LPA: variants seen among roughly 807,000 people sequenced by gnomAD.
LPA encodes the protein lipoprotein(a).
A neutral mutation model predicts 197.9 loss-of-function variants in LPA; 199 were observed. That is an observed-to-expected ratio of 1.01 (90% CI 0.90 to 1.13). The LOEUF (loss-of-function observed/expected upper bound fraction) is 1.13. Ranked by LOEUF, LPA falls within the 50% of genes most tolerant of loss-of-function variation. The probability of loss-of-function intolerance (pLI) is 0.00; values close to 1 mark genes in which losing one functional copy is unlikely to be tolerated. For missense variants in LPA, 1,853 were observed against 1,785.8 expected (o/e 1.04, Z -0.68); for synonymous variants, 715 against 639.5 (o/e 1.12, Z -1.78).
intron 16 of LPA, among the ~76,000 whole-genome samples, chr6:160,610,899 T>C (rs1562344620): frequency 1.3e-5 from 2 of 152,122 alleles, no homozygotes; most frequent in African/African-American, 4.8e-5. Flanking sequence ...TTTTTCCATG[T>C]CTTTGGTTGT....
At chr6:160,582,572 T>G (rs1452890957) in intron 26 of LPA, among the ~76,000 whole-genome samples, 1 of 152,146 alleles carries the variant, frequency 6.6e-6, no homozygotes, top group Non-Finnish European at 1.5e-5. Context: ...TGTTACTCTA[T>G]GTAAAGGTAT....
intron 30 of LPA, among the ~76,000 whole-genome samples, chr6:160,549,349 T>G (rs1009937747): frequency 6.6e-6 from 1 of 152,188 alleles, no homozygotes; most frequent in Admixed American, 6.5e-5. Flanking sequence ...TCCTTCTACC[T>G]TCTGCCAAGC....
intron 30 of LPA, among the ~76,000 whole-genome samples, chr6:160,549,809 C>A (rs1336116670): frequency 6.6e-6 from 1 of 152,172 alleles, no homozygotes; most frequent in African/African-American, 2.4e-5. Flanking sequence ...GCGGGACTGA[C>A]AGAAGGGGGA....
At chr6:160,538,936 T>A (rs1363007891) in intron 36 of LPA, among the ~76,000 whole-genome samples, 1 of 152,200 alleles carries the variant, frequency 6.6e-6, no homozygotes, top group Non-Finnish European at 1.5e-5. Flanking sequence ...AGAGATCTTG[T>A]ATTTGCACAT....
intron 29 of LPA, among the ~76,000 whole-genome samples, chr6:160,556,435 C>T (rs1778264774): frequency 1.3e-5 from 2 of 152,096 alleles, no homozygotes; most frequent in Admixed American, 6.6e-5. Context: ...GGAACAAAGA[C>T]TCATGTGCAA....
intron 1 of LPA, among the ~76,000 whole-genome samples, chr6:160,659,088 C>T (rs780289667): frequency 2.6e-5 from 4 of 152,144 alleles, no homozygotes; most frequent in Non-Finnish European, 5.9e-5. Flanking sequence ...AGCTGAAGAA[C>T]TTGGAGTCCG....
At chr6:160,579,965 C>A (rs1778759257) in intron 26 of LPA, among the ~76,000 whole-genome samples, 1 of 152,126 alleles carries the variant, frequency 6.6e-6, no homozygotes, top group Non-Finnish European at 1.5e-5. Flanking sequence ...ACTTGTGTAG[C>A]CCACACTGCC....
chr6:160,601,003 A>T lies in LPA; in HGVS notation c.3041T>A (p.Leu1014Gln). The stretch of plus-strand genomic sequence containing the variant: ...CCATTCTGCATCTGAGCATCGTGTC[A>T]GGTTGCAGTACTCCCACCTGACACT... Reference protein sequence around the residue: ...DPSVRWEYCNLTRCSDAEWTA... With the variant: ...DPSVRWEYCNQTRCSDAEWTA... Residue 1014 changes from leucine to glutamine, a missense_variant, in exon 19 of 39, where the codon CTG becomes CAG. Physicochemically the swap from Leu to Gln is moderately radical, Grantham distance 113. Coordinates refer to ENST00000316300, the MANE Select transcript of LPA (RefSeq NM_005577.4). The T allele has an allele frequency of 1.2e-6, 2 of 1,614,062 alleles. No homozygotes were observed. Among genetic ancestry groups the T allele is most frequent in the Non-Finnish European group, 1.7e-6 (2 of 1,179,924 alleles).
intron 19 of LPA, among the ~76,000 whole-genome samples, chr6:160,600,065 G>A (rs1303114628): frequency 1.3e-5 from 2 of 152,076 alleles, no homozygotes; most frequent in African/African-American, 4.8e-5. Flanking sequence ...TGGGGAGGAG[G>A]CAAGGACATA....
chr6:160,592,737 C>T (rs1475415777), intron 22 of LPA, among the ~76,000 whole-genome samples: 2 of 152,154 alleles, frequency 1.3e-5, no homozygotes, highest in Non-Finnish European at 2.9e-5. Flanking sequence ...TCCTTTTAGA[C>T]TGGCTTGGAA....
Position 160,664,147 on chromosome 6 carries a change from T to G in LPA, c.49+19A>C. 2 of 1,590,272 alleles carry G rather than the reference T, an allele frequency of 1.3e-6. No homozygotes were observed. The highest frequency in any genetic ancestry group is 2.3e-5 in the South Asian group (2 of 88,590). ...GGGAGAAAAAATAATTCTTATAATTTAAAAAAACTATGTCTTACCTGATTT... is the reference window on the plus strand; with the variant it reads ...GGGAGAAAAAATAATTCTTATAATTGAAAAAAACTATGTCTTACCTGATTT... On this transcript the variant is annotated intron_variant, in intron 1 of 38. Coordinates refer to ENST00000316300, the MANE Select transcript of LPA (RefSeq NM_005577.4).
intron 2 of LPA, among the ~76,000 whole-genome samples, chr6:160,647,550 AC>A (rs759364708): frequency 5.9e-5 from 9 of 152,082 alleles, no homozygotes; most frequent in Non-Finnish European, 1.0e-4. Context: ...CTCTTTAAAG[AC>A]TTTTTTTTCT....
intron 28 of LPA, among the ~76,000 whole-genome samples, chr6:160,568,638 G>C (rs1350171105): frequency 6.6e-6 from 1 of 152,166 alleles, no homozygotes; most frequent in Non-Finnish European, 1.5e-5. Flanking sequence ...TCTGGCCAGG[G>C]CAATTAGGCA....
rs777215483 is a variant in LPA, at chr6:160,590,982, G to A, written c.3749C>T (p.Ser1250Leu). 2 of 1,613,896 alleles carry A rather than the reference G, an allele frequency of 1.2e-6. No individual in the cohort carries two copies. The highest frequency in any genetic ancestry group is 1.7e-6 in the Non-Finnish European group (2 of 1,179,936). ...CNLTQCPVTE[S>L]SVLATSTAVS... ...AGCCGTGGACGTCGCAAGGACACTT[G>A]ATTCTGTCACTGGACATTGTGTCAG... Residue 1250 changes from serine to leucine, a missense_variant, in exon 23 of 39, where the codon TCA (serine) becomes TTA (leucine). Transcript: ENST00000316300.
intron 37 of LPA, among the ~76,000 whole-genome samples, chr6:160,534,210 G>T (rs1378611914): frequency 4.6e-5 from 7 of 152,198 alleles, no homozygotes; most frequent in Admixed American, 1.3e-4. Context: ...GCATCACCTG[G>T]ACTGCACAGA....
Position 160,577,143 on chromosome 6 carries a change from G to T in LPA, c.4624C>A (p.Pro1542Thr). The change falls in exon 28 of 39, where the codon CCA becomes ACA. Residue 1542 changes from proline to threonine, a missense_variant. Physicochemically the swap from Pro to Thr is conservative, Grantham distance 38. Around this residue, in one of 3 missense-constraint regions of LPA, gnomAD observed 1,737 missense variants for 1,504.4 expected, o/e 1.15. Transcript: ENST00000316300. ...HWHQRTPENY[P>T]NAGLTENYCR... The stretch of plus-strand genomic sequence containing the variant: ...TTTTAATCAAATACATACGCATTTG[G>T]GTAGTTTTCTGGGGTCCTCTGATGC... 1 of 1,613,514 alleles carries T rather than the reference G, an allele frequency of 6.2e-7. No homozygotes were observed. Among genetic ancestry groups the T allele is most frequent in the Non-Finnish European group, 8.5e-7 (1 of 1,179,690 alleles).
chr6:160,581,773 G>C (rs1195618904), intron 26 of LPA, among the ~76,000 whole-genome samples: 2 of 152,038 alleles, frequency 1.3e-5, no homozygotes, highest in Non-Finnish European at 2.9e-5. Context: ...TTCTGCTTGG[G>C]TGTGGGTTGA....
intron 28 of LPA, among the ~76,000 whole-genome samples, chr6:160,561,919 G>T (rs943185320): frequency 1.3e-5 from 2 of 152,154 alleles, no homozygotes; most frequent in Non-Finnish European, 1.5e-5. Context: ...CATTGATTTT[G>T]TATCCTGAGA....
chr6:160,555,436 C>CACATATATATATAT (rs1554231896), intron 30 of LPA, among the ~76,000 whole-genome samples: 2 of 122,002 alleles, frequency 1.6e-5, no homozygotes, highest in Non-Finnish European at 3.4e-5. Flanking sequence ...TTCCCTAGAA[C>CACATATATATATAT]ATATATATAT....
Sources: gnomAD v4.1 joint callset for allele counts (sites outside exome capture counted in the v4.1 genomes callset) on GRCh38, gnomAD v4.1.1 for gene constraint, gnomAD v4.1.1 regional missense constraint, MANE v1.5 for transcripts, NCBI Gene and HGNC (gene_info 2026-07-23, HGNC 2026-07-21) for gene names.